The following DNAJC13 variants were observed in gnomAD, a reference collection of about 807,000 sequenced individuals.
DNAJC13 encodes dnaJ homolog subfamily C member 13.
In DNAJC13, 75 loss-of-function variants were observed where a neutral mutation model predicts 290.5. That is an observed-to-expected ratio of 0.26 (90% CI 0.21 to 0.31). DNAJC13 has a LOEUF of 0.31. Among genes scored for constraint, DNAJC13 ranks in the 10% least tolerant of loss-of-function variants. The pLI is 1.00. For missense variants in DNAJC13, 2,260 were observed against 2,674.5 expected (o/e 0.85, Z 3.42); for synonymous variants, 862 against 892.0 (o/e 0.97, Z 0.60).
rs983624536 is a variant in DNAJC13 at position 132,473,090 on chromosome 3, C to T, written c.2209-55C>T. The T allele has an allele frequency of 1.7e-5, 20 of 1,191,516 alleles. No individual in the cohort carries two copies. In the Admixed American group the frequency reaches 4.0e-4, roughly 24 times the overall value. The allele number at this position is 1,191,516 out of a possible 1,614,324, so 73.8% of individuals were successfully genotyped here. A position where few individuals can be genotyped will look rare whatever the true frequency, so the allele number is the denominator to read the frequency against. On this transcript the variant is annotated intron_variant, in intron 20 of 55. Coordinates refer to ENST00000260818, the MANE Select transcript of DNAJC13 (RefSeq NM_015268.4). Reference sequence around the variant, plus strand: ...CACGTATAAATTGATGATCTTCTGACTAAGCCTATTTGGTAGCCCCAGATT... The same window carrying T: ...CACGTATAAATTGATGATCTTCTGATTAAGCCTATTTGGTAGCCCCAGATT...
At chr3:132,506,556 T>C (rs1189741312) in intron 42 of DNAJC13, among the ~76,000 whole-genome samples, 1 of 127,216 alleles carries the variant, frequency 7.9e-6, no homozygotes, top group East Asian at 2.2e-4. Flanking sequence ...TTTTTTTTTT[T>C]TTTTTTTTTT....
rs950958221 is a variant in DNAJC13 at position 132,514,641 on chromosome 3, T to C, written c.5456T>C (p.Leu1819Ser). 2 of 1,611,426 alleles carry C rather than the reference T, an allele frequency of 1.2e-6. No individual in the cohort carries two copies. The highest frequency in any genetic ancestry group is 1.7e-6 in the Non-Finnish European group (2 of 1,178,754). Residue 1819 changes from leucine to serine, a missense_variant, in exon 46 of 56, where the codon TTA (leucine) becomes TCA (serine). This residue lies in a region of DNAJC13 where 1,494 missense variants were observed against 1,693.7 expected (regional missense o/e 0.88). Coordinates refer to ENST00000260818, the MANE Select transcript of DNAJC13 (RefSeq NM_015268.4). ...GCTGAATCAATGGTTTTGTCCAGTT[T>C]ATTGGCTCTTCTACATTCATTGCCA... ...NIAESMVLSS[L>S]LALLHSLPSS...
intron 1 of DNAJC13, among the ~76,000 whole-genome samples, chr3:132,420,992 T>G (rs886071900): frequency 8.5e-5 from 13 of 152,256 alleles, no homozygotes; most frequent in Non-Finnish European, 1.6e-4. Context: ...AGAACTGTTT[T>G]GTACATGTTA....
At chr3:132,483,630 A>G in intron 28 of DNAJC13, 53 bp downstream of exon 28, 6 of 1,535,616 alleles carry the variant, frequency 3.9e-6, no homozygotes, top group Non-Finnish European at 5.4e-6. Context: ...CCTTAGTAAC[A>G]GCATAGAATC....
chr3:132,428,049 CTG>C (rs1939145927), intron 1 of DNAJC13, among the ~76,000 whole-genome samples: 1 of 152,158 alleles, frequency 6.6e-6, no homozygotes, highest in Non-Finnish European at 1.5e-5. Context: ...AATGGCAGCT[CTG>C]TGATCAGTGC....
intron 34 of DNAJC13, 56 bp downstream of exon 34, chr3:132,494,315 C>G (rs1935162227): frequency 7.9e-7 from 1 of 1,260,264 alleles, no homozygotes; most frequent in Non-Finnish European, 1.2e-6. Context: ...GTACCAGTAT[C>G]AAAGACTAAG....
Position 132,417,565 on chromosome 3 carries a change from G to GAGGGAGGAGGCGGAGGGGGC in DNAJC13, c.-208_-189dup, listed in dbSNP as rs1938823337. ...CTCCAGAGTGAAACTCTGAGAGGCA[G>GAGGGAGGAGGCGGAGGGGGC]AGGGAGGAGGCGGAGGGGGCGGGGA... is the stretch of plus-strand genomic sequence containing the variant. On this transcript the variant is annotated 5_prime_UTR_variant, in exon 1 of 56. Coordinates refer to ENST00000260818, the MANE Select transcript of DNAJC13 (RefSeq NM_015268.4). 6.6e-6 allele frequency: 1 copy of GAGGGAGGAGGCGGAGGGGGC among 151,958 alleles called. No individual in the cohort carries two copies. Among genetic ancestry groups the GAGGGAGGAGGCGGAGGGGGC allele is most frequent in the Admixed American group, 6.5e-5 (1 of 15,284 alleles). 9.4% of individuals were successfully genotyped at this position (151,958 alleles called of 1,614,324 possible).
chr3:132,535,141 T>G (rs970498428), intron 55 of DNAJC13, among the ~76,000 whole-genome samples: 1 of 152,176 alleles, frequency 6.6e-6, no homozygotes, highest in Non-Finnish European at 1.5e-5. Flanking sequence ...GCAGGTTAGG[T>G]GGATTTTGTT....
intron 29 of DNAJC13, among the ~76,000 whole-genome samples, chr3:132,486,048 T>G (rs536191357): frequency 6.8e-6 from 1 of 146,674 alleles, no homozygotes; most frequent in Non-Finnish European, 1.5e-5. Flanking sequence ...TCATTGATGC[T>G]GAAAAAGACT....
chr3:132,505,554 G>A, intron 42 of DNAJC13, 139 bp downstream of exon 42: 1 of 623,188 alleles, frequency 1.6e-6, no homozygotes, highest in South Asian at 2.1e-5. Context: ...CCTAATATTT[G>A]GCCCATTTAA....
chr3:132,446,357 A>G, intron 2 of DNAJC13, 118 bp from the exon 3 acceptor site: 1 of 638,712 alleles, frequency 1.6e-6, no homozygotes, highest in East Asian at 3.0e-5. Flanking sequence ...ATATTTAGTC[A>G]CCATTAATCA....
chr3:132,451,231 T>A (rs1262965707), intron 6 of DNAJC13, among the ~76,000 whole-genome samples: 1 of 151,898 alleles, frequency 6.6e-6, no homozygotes, highest in Non-Finnish European at 1.5e-5. Context: ...GGAGGCAGAG[T>A]TAGGAGGATA....
At position 132,454,242 on chromosome 3, in the gene DNAJC13, C is replaced by T; in HGVS notation, c.932+85C>T. The T allele has an allele frequency of 4.7e-6, 4 of 857,778 alleles. No homozygotes were observed. In the South Asian group the frequency reaches 5.4e-5, roughly 12 times the overall value. 53.1% of individuals were successfully genotyped at this position (857,778 alleles called of 1,614,324 possible). A position where few individuals can be genotyped will look rare whatever the true frequency, so the allele number is the denominator to read the frequency against. On this transcript the variant is annotated intron_variant, in intron 9 of 55. Coordinates refer to ENST00000260818, the MANE Select transcript of DNAJC13 (RefSeq NM_015268.4). ...ACAAGGAAAACCAAAGATATGTAGT[C>T]TAGAAATTTAAAATCATTTAATTTG...
intron 43 of DNAJC13, 104 bp downstream of exon 43, chr3:132,507,457 T>A (rs2107727469): frequency 1.4e-6 from 1 of 732,264 alleles, no homozygotes; most frequent in South Asian, 1.9e-5. Flanking sequence ...TTTATTGCAC[T>A]TTCTTTACTG....
intron 2 of DNAJC13, among the ~76,000 whole-genome samples, chr3:132,445,749 CTAA>C (rs1427765643): frequency 6.6e-6 from 1 of 151,974 alleles, no homozygotes; most frequent in East Asian, 1.9e-4. Flanking sequence ...TTTATATATA[CTAA>C]TGTTTTATCC....
intron 21 of DNAJC13, among the ~76,000 whole-genome samples, chr3:132,473,850 G>T (rs917751091): frequency 2.6e-5 from 4 of 152,114 alleles, no homozygotes; most frequent in Non-Finnish European, 4.4e-5. Flanking sequence ...TACTTTTAAA[G>T]TATACAGTAT....
At chr3:132,432,489 G>A (rs894350784) in intron 1 of DNAJC13, among the ~76,000 whole-genome samples, 3 of 152,282 alleles carry the variant, frequency 2.0e-5, no homozygotes, top group Non-Finnish European at 1.5e-5. Context: ...ACAGGCATGA[G>A]CCACCGCTCC....
At chr3:132,503,740 A>G (rs1288841511) in intron 41 of DNAJC13, among the ~76,000 whole-genome samples, 1 of 152,192 alleles carries the variant, frequency 6.6e-6, no homozygotes, top group East Asian at 1.9e-4. Flanking sequence ...ATTGTAAGCC[A>G]TAGCTTATTC....
At chr3:132,444,632 G>T (rs1180302848) in intron 2 of DNAJC13, among the ~76,000 whole-genome samples, 1 of 152,110 alleles carries the variant, frequency 6.6e-6, no homozygotes, top group Non-Finnish European at 1.5e-5. Flanking sequence ...TGACTTTCAG[G>T]GTGATTTTGA....
Sources: gnomAD v4.1 joint callset for allele counts (sites outside exome capture counted in the v4.1 genomes callset) on GRCh38, gnomAD v4.1.1 for gene constraint, gnomAD v4.1.1 regional missense constraint, MANE v1.5 for transcripts, NCBI Gene and HGNC (gene_info 2026-07-23, HGNC 2026-07-21) for gene names.